The following GLIS3 variants were observed in gnomAD, a reference collection of about 807,000 sequenced individuals.
The protein encoded by GLIS3 is zinc finger protein GLIS3.
GLIS3 carries 53 observed loss-of-function variants against 78.6 expected under a neutral mutation model. The ratio of observed to expected loss-of-function variants is 0.67; its 90% CI spans 0.54 to 0.85. The LOEUF is 0.85. GLIS3 is among the 40% of genes least tolerant of loss of function. GLIS3 has a pLI of 0.00. For missense variants in GLIS3, 1,703 were observed against 1,231.1 expected (o/e 1.38, Z -5.74); for synonymous variants, 684 against 509.9 (o/e 1.34, Z -4.60).
intron 1 of GLIS3, among the ~76,000 whole-genome samples, chr9:4,295,819 T>C (rs183479959): frequency 6.6e-6 from 1 of 152,280 alleles, no homozygotes; most frequent in East Asian, 1.9e-4. Flanking sequence ...CTAAAGTAAG[T>C]GGGAAACTAC....
intron 2 of GLIS3, among the ~76,000 whole-genome samples, chr9:4,155,579 T>G (rs1834992190): frequency 6.6e-6 from 1 of 152,220 alleles, no homozygotes; most frequent in Admixed American, 6.5e-5. Context: ...CACTCACACA[T>G]AGGACATTAG....
intron 4 of GLIS3, among the ~76,000 whole-genome samples, chr9:3,991,467 C>T (rs1820226914): frequency 6.6e-6 from 1 of 152,072 alleles, no homozygotes; most frequent in African/African-American, 2.4e-5. Flanking sequence ...GTTGTGATTT[C>T]ATTTGGAGGC....
intron 9 of GLIS3, among the ~76,000 whole-genome samples, chr9:3,849,055 A>C (rs2130158196): frequency 6.6e-6 from 1 of 152,344 alleles, no homozygotes; most frequent in East Asian, 1.9e-4. Context: ...AGGTAGCTTC[A>C]TGGTGTTTTC....
chr9:4,099,692 T>A (rs947835370), intron 4 of GLIS3, among the ~76,000 whole-genome samples: 3 of 152,180 alleles, frequency 2.0e-5, no homozygotes, highest in South Asian at 2.1e-4. Flanking sequence ...TCTCTCTAAG[T>A]CCCTTCCCAA....
intron 4 of GLIS3, among the ~76,000 whole-genome samples, chr9:4,114,915 G>C (rs992365697): frequency 1.3e-5 from 2 of 152,182 alleles, no homozygotes; most frequent in African/African-American, 4.8e-5. Context: ...CCCTCCCCCA[G>C]TTCTGCCACC....
At chr9:3,937,225 G>A (rs772839658) in intron 4 of GLIS3, 36 bp from the exon 5 acceptor site, 5 of 1,612,294 alleles carry the variant, frequency 3.1e-6, no homozygotes, top group Non-Finnish European at 4.2e-6. Context: ...GGTTGAGAAG[G>A]ACCTTGAATG....
chr9:3,985,133 T>A (rs529455251), intron 4 of GLIS3, among the ~76,000 whole-genome samples: 1 of 151,320 alleles, frequency 6.6e-6, no homozygotes, highest in Admixed American at 6.6e-5. Flanking sequence ...ACCATTTCAG[T>A]CAAAATTATT....
At chr9:4,467,957 G>A in the GLIS3 span, among the ~76,000 whole-genome samples, 1,352 of 152,312 alleles carry the variant, frequency 8.9e-3, 12 homozygotes, top group African/African-American at 0.03. Flanking sequence ...ACCTGATGGA[G>A]CTGAAATTCA....
chr9:4,099,107 G>A (rs1301228493), intron 4 of GLIS3, among the ~76,000 whole-genome samples: 1 of 152,214 alleles, frequency 6.6e-6, no homozygotes, highest in East Asian at 1.9e-4. Context: ...TAAGAGGCAT[G>A]GGCACCTGCA....
chr9:3,905,783 C>G (rs1231547442), intron 6 of GLIS3, among the ~76,000 whole-genome samples: 2 of 152,194 alleles, frequency 1.3e-5, no homozygotes, highest in African/African-American at 2.4e-5. Context: ...CCTCCCTTTA[C>G]TCTTTCTCCT....
chr9:4,012,034 C>T (rs755628252), intron 4 of GLIS3, among the ~76,000 whole-genome samples: 22 of 151,984 alleles, frequency 1.4e-4, no homozygotes, highest in South Asian at 4.1e-4. Context: ...AAAGCCTTCC[C>T]GTAAAACAAA....
intron 6 of GLIS3, among the ~76,000 whole-genome samples, chr9:3,918,197 AT>A (rs1220726325): frequency 6.6e-6 from 1 of 152,170 alleles, no homozygotes; most frequent in African/African-American, 2.4e-5. Flanking sequence ...TTTCAGGACT[AT>A]CCTGAATATT....
intron 2 of GLIS3, among the ~76,000 whole-genome samples, chr9:4,204,644 A>G (rs1819694763): frequency 6.6e-6 from 1 of 152,132 alleles, no homozygotes; most frequent in Non-Finnish European, 1.5e-5. Context: ...CAGGCCGGGC[A>G]CAGTGGCTCA....
chr9:4,248,905 G>A (rs139305053), intron 2 of GLIS3, among the ~76,000 whole-genome samples: 344 of 152,028 alleles, frequency 2.3e-3, no homozygotes, highest in African/African-American at 7.9e-3. Flanking sequence ...GTGTCTGTTC[G>A]TATACTTCAA....
At chr9:4,307,014 G>A (rs1183319581) in intron 4 of GLIS3, among the ~76,000 whole-genome samples, 3 of 152,218 alleles carry the variant, frequency 2.0e-5, no homozygotes, top group African/African-American at 4.8e-5. Context: ...ACATTAAGGA[G>A]AAAGTGAAGG....
intron 1 of GLIS3, among the ~76,000 whole-genome samples, chr9:4,286,894 A>G (rs1029120962): frequency 1.3e-5 from 2 of 152,222 alleles, no homozygotes; most frequent in Non-Finnish European, 2.9e-5. Context: ...ACCCAAAAGC[A>G]CCACCTACCT....
chr9:4,154,228 A>T (rs1314774032), intron 2 of GLIS3, among the ~76,000 whole-genome samples: 1 of 152,148 alleles, frequency 6.6e-6, no homozygotes, highest in Non-Finnish European at 1.5e-5. Context: ...ACCCATGCAA[A>T]TTCAAGGGGG....
intron 2 of GLIS3, among the ~76,000 whole-genome samples, chr9:4,178,360 G>C (rs894540916): frequency 6.6e-6 from 1 of 152,142 alleles, no homozygotes; most frequent in African/African-American, 2.4e-5. Flanking sequence ...TTGGACAGGA[G>C]ATCATATGAC....
chr9:4,002,443 A>G (rs867004739), intron 4 of GLIS3, among the ~76,000 whole-genome samples: 3 of 152,342 alleles, frequency 2.0e-5, no homozygotes, highest in African/African-American at 7.2e-5. Flanking sequence ...TCACCTACTG[A>G]GTAGGCTTTA....
Sources: allele counts gnomAD v4.1 joint callset (sites outside exome capture counted in the v4.1 genomes callset), GRCh38; gene constraint gnomAD v4.1.1; transcripts MANE v1.5; gene names NCBI Gene and HGNC (gene_info 2026-07-23, HGNC 2026-07-21).